Variants in PTPRC observed in about 807,000 individuals in gnomAD.
The protein encoded by PTPRC is protein tyrosine phosphatase receptor type C, also known as receptor-type tyrosine-protein phosphatase C.
Under a neutral mutation model 155.9 loss-of-function variants are expected in PTPRC, and 44 were observed. The observed-to-expected ratio is 0.28, with a 90% CI of 0.22 to 0.36. The LOEUF is 0.36. PTPRC is among the 10% of genes least tolerant of loss of function. The pLI is 1.00. For synonymous variants in PTPRC, 525 were observed against 533.1 expected (o/e 0.98, Z 0.21); for missense variants, 1,401 against 1,564.6 (o/e 0.90, Z 1.76).
chr1:198,671,573 C>G lies in PTPRC; in HGVS notation c.74-20774C>G, dbSNP rs146498566. Among the ~76,000 whole-genome samples, 27 of 152,300 alleles carry G rather than the reference C, an allele frequency of 1.8e-4. 1 individual carries two copies. The East Asian group carries it at 5.0e-3, about 28-fold the overall frequency. On this transcript the variant is annotated intron_variant, in intron 2 of 32. Transcript: ENST00000442510. ...TTTGTCTTTTATAAATTTGTGACTT[C>G]TACATCTATAGCTCCAGTTCTGCTG...
chr1:198,753,629 A>C (rs12126429), intron 31 of PTPRC, among the ~76,000 whole-genome samples: 1,961 of 152,160 alleles, frequency 0.013, 25 homozygotes, highest in Non-Finnish European at 0.016. Flanking sequence ...GTAAAACTAT[A>C]TATGTTTCTT....
chr1:198,713,772 T>C (rs1344214094), intron 12 of PTPRC, among the ~76,000 whole-genome samples: 1 of 152,196 alleles, frequency 6.6e-6, no homozygotes, highest in Non-Finnish European at 1.5e-5. Flanking sequence ...GGGATAGCCC[T>C]TTCTCTATTC....
chr1:198,726,895 C>T (rs1453558368), intron 15 of PTPRC, among the ~76,000 whole-genome samples: 1 of 140,226 alleles, frequency 7.1e-6, no homozygotes, highest in Non-Finnish European at 1.5e-5. Context: ...CAGAGTCTTG[C>T]TCTGTCGTCC....
chr1:198,668,924 C>A (rs1664490074), intron 2 of PTPRC, among the ~76,000 whole-genome samples: 1 of 152,062 alleles, frequency 6.6e-6, no homozygotes, highest in Non-Finnish European at 1.5e-5. Flanking sequence ...CACCTGAGAG[C>A]TATGGTACAA....
At chr1:198,730,260 C>T (rs1558027334) in intron 17 of PTPRC, among the ~76,000 whole-genome samples, 1 of 152,044 alleles carries the variant, frequency 6.6e-6, no homozygotes, top group South Asian at 2.1e-4. Flanking sequence ...ATAGCAGGTA[C>T]CAGGTCTCTA....
intron 19 of PTPRC, 37 bp downstream of exon 19, chr1:198,732,427 G>C: frequency 6.3e-7 from 1 of 1,597,422 alleles, no homozygotes; most frequent in East Asian, 2.2e-5. Flanking sequence ...CCATATATTA[G>C]GCTACTTGAT....
At chr1:198,755,144 G>T (rs1018032026) in intron 32 of PTPRC, among the ~76,000 whole-genome samples, 3 of 152,126 alleles carry the variant, frequency 2.0e-5, no homozygotes, top group Non-Finnish European at 4.4e-5. Flanking sequence ...GATTCAAGGG[G>T]TAGGGAAATA....
At position 198,731,730 on chromosome 1, in the gene PTPRC, T is replaced by C. The variant is rs1285351953; in HGVS notation, c.1974+4T>C. On this transcript the variant is annotated splice_donor_region_variant and intron_variant, in intron 18 of 32. Transcript: ENST00000442510. ...ACTTTTTCTGGCTGAATTTCAGGTGTGTGTTGCTTTTGTTATATGATGATA... is the reference window on the plus strand; with the variant it reads ...ACTTTTTCTGGCTGAATTTCAGGTGCGTGTTGCTTTTGTTATATGATGATA... 1.3e-6 allele frequency: 2 copies of C among 1,578,054 alleles called. No homozygotes were observed. Among genetic ancestry groups the C allele is most frequent in the Admixed American group, 3.3e-5 (2 of 59,780 alleles).
chr1:198,702,367 G>C lies in PTPRC; in HGVS notation c.440-20G>C. On this transcript the variant is annotated intron_variant, in intron 5 of 32. Coordinates refer to ENST00000442510, the MANE Select transcript of PTPRC (RefSeq NM_002838.5). ...CGTGACAGACACAAGTGACAGTGCT[G>C]ATGGCCCTTCTGATTGCAGATGTCC... The C allele has an allele frequency of 6.2e-7, 1 of 1,614,200 alleles. No homozygotes were observed. Among genetic ancestry groups the C allele is most frequent in the South Asian group, 1.1e-5 (1 of 91,078 alleles).
At chr1:198,725,318 C>T (rs1307215490) in intron 15 of PTPRC, among the ~76,000 whole-genome samples, 1 of 152,134 alleles carries the variant, frequency 6.6e-6, no homozygotes, top group Non-Finnish European at 1.5e-5. Context: ...GTCATAGTCA[C>T]AGTGAGACAA....
chr1:198,699,472 T>C (rs1666358592), intron 4 of PTPRC, 92 bp from the exon 5 acceptor site: 1 of 1,458,346 alleles, frequency 6.9e-7, no homozygotes, highest in Non-Finnish European at 9.6e-7. Flanking sequence ...TTTGGTAAAC[T>C]ATAATCGCAA....
chr1:198,747,125 C>T (rs1655169597), intron 26 of PTPRC, among the ~76,000 whole-genome samples: 1 of 151,386 alleles, frequency 6.6e-6, no homozygotes, highest in Non-Finnish European at 1.5e-5. Context: ...TTGACAAATA[C>T]TTATTTAAGG....
intron 9 of PTPRC, among the ~76,000 whole-genome samples, chr1:198,707,460 G>A (rs1235498261): frequency 2.0e-5 from 3 of 152,110 alleles, no homozygotes; most frequent in Non-Finnish European, 4.4e-5. Context: ...AGGAGGGGGT[G>A]ACAGGCGTCG....
At chr1:198,663,502 TGAA>T (rs1314577702) in intron 2 of PTPRC, among the ~76,000 whole-genome samples, 1 of 152,218 alleles carries the variant, frequency 6.6e-6, no homozygotes. Context: ...TGGAAGTAGT[TGAA>T]GAAGACTTCA....
At chr1:198,719,458 A>C (rs1653771334) in intron 14 of PTPRC, among the ~76,000 whole-genome samples, 1 of 152,196 alleles carries the variant, frequency 6.6e-6, no homozygotes, top group Admixed American at 6.5e-5. Flanking sequence ...ACTTTGTCTT[A>C]CATAATTCCC....
chr1:198,748,624 G>A lies in PTPRC; in HGVS notation c.2938+425G>A, dbSNP rs114904988. On this transcript the variant is annotated intron_variant, in intron 27 of 32. Transcript: ENST00000442510. The stretch of plus-strand genomic sequence containing the variant: ...CCTTTTTATCCCTTATAACTGGGAG[G>A]TTGAAAGTAAGGGGAAAATACTCTA... 6.2e-3 allele frequency among the ~76,000 whole-genome samples: 937 copies of A among 151,734 alleles called. 4 individuals carry two copies. The highest frequency in any genetic ancestry group is 0.014 in the Middle Eastern group (4 of 294).
chr1:198,730,327 G>T (rs1306102627), intron 17 of PTPRC, among the ~76,000 whole-genome samples: 6 of 151,980 alleles, frequency 3.9e-5, no homozygotes. Context: ...ATTTTTCTTT[G>T]CAGAATGTAA....
chr1:198,746,057 G>A (rs1453298099), intron 26 of PTPRC, among the ~76,000 whole-genome samples: 3 of 151,636 alleles, frequency 2.0e-5, no homozygotes, highest in Non-Finnish European at 4.4e-5. Context: ...AAAGTCATGG[G>A]AGGTGAAGAA....
intron 3 of PTPRC, chr1:198,695,145 A>G: frequency 3.4e-6 from 3 of 888,766 alleles, no homozygotes; most frequent in Non-Finnish European, 4.0e-6. Context: ...CTTTGATACT[A>G]ATGAATAAAG....
Sources: gnomAD v4.1 joint callset for allele counts (sites outside exome capture counted in the v4.1 genomes callset) on GRCh38, gnomAD v4.1.1 for gene constraint, MANE v1.5 for transcripts, NCBI Gene and HGNC (gene_info 2026-07-23, HGNC 2026-07-21) for gene names.